The following CREBBP variants were observed in gnomAD, a reference collection of about 807,000 sequenced individuals.
CREBBP encodes the protein CREB binding lysine acetyltransferase.
A neutral mutation model predicts 265.0 loss-of-function variants in CREBBP; 19 were observed. That is an observed-to-expected ratio of 0.07 (90% CI 0.05 to 0.11). The LOEUF is 0.11. Among genes scored for constraint, CREBBP ranks in the 10% least tolerant of loss-of-function variants. CREBBP has a pLI of 1.00. For missense variants in CREBBP, 2,525 were observed against 3,219.0 expected, an observed-to-expected ratio of 0.78 and a Z score of 5.22; for synonymous variants, 1,457 against 1,223.7, an observed-to-expected ratio of 1.19 and a Z score of -3.98.
At position 3,790,617 on chromosome 16, in the gene CREBBP, T is replaced by C. The variant is rs563485409; in HGVS notation, c.1330+1364A>G. Among the ~76,000 whole-genome samples the C allele has an allele frequency of 3.5e-4, 53 of 152,266 alleles. 1 individual carries two copies. The highest frequency in any genetic ancestry group is 1.2e-3 in the African/African-American group (49 of 41,560). On this transcript the variant is annotated intron_variant, in intron 5 of 30. Transcript: ENST00000262367. ...TGCCCGCCTCGGCCTCCCAAAGTGT[T>C]GGGATTACAGGCGTGAGCCATTGCG...
chr16:3,815,142 T>A (rs1488349157), intron 2 of CREBBP, among the ~76,000 whole-genome samples: 1 of 152,232 alleles, frequency 6.6e-6, no homozygotes, highest in Non-Finnish European at 1.5e-5. Flanking sequence ...CACCCTAGGC[T>A]AACATATACT....
Position 3,751,778 on chromosome 16 carries a change from C to G in CREBBP, c.3727G>C (p.Glu1243Gln). Residue 1243 changes from glutamate (E) to glutamine (Q), a missense_variant, in exon 20 of 31, where the codon GAG becomes CAG. Physicochemically the swap from Glu to Gln is conservative, Grantham distance 29 (BLOSUM62 2). Transcript: ENST00000262367. ...RYHFCEKCFT[E>Q]IQGENVTLGD... is the part of the protein sequence containing the mutation. The stretch of plus-strand genomic sequence containing the variant: ...AGGGTCACATTCTCGCCCTGGATCT[C>G]TGTGAAACACTTCTCACAGAAATGA... The G allele has an allele frequency of 6.2e-7, 1 of 1,614,160 alleles. No individual in the cohort carries two copies. The highest frequency in any genetic ancestry group is 8.5e-7 in the Non-Finnish European group (1 of 1,180,040).
At chr16:3,742,996 T>G (rs1351280374) in intron 23 of CREBBP, 2 of 152,196 alleles carry the variant, frequency 1.3e-5, no homozygotes, top group African/African-American at 4.8e-5. Flanking sequence ...TAATTCTGTT[T>G]TGGCTACTGA....
At chr16:3,811,942 G>C (rs1235686034) in intron 2 of CREBBP, among the ~76,000 whole-genome samples, 1 of 152,136 alleles carries the variant, frequency 6.6e-6, no homozygotes, top group African/African-American at 2.4e-5. Context: ...ATTAGTAGTA[G>C]TTAAACTTTT....
intron 1 of CREBBP, among the ~76,000 whole-genome samples, chr16:3,857,827 G>A (rs933974720): frequency 3.9e-5 from 6 of 152,224 alleles, no homozygotes; most frequent in African/African-American, 1.4e-4. Context: ...CTGCCAACCA[G>A]GAGGCTACCC....
chr16:3,849,590 C>G (rs2054783422), intron 2 of CREBBP, among the ~76,000 whole-genome samples: 1 of 132,232 alleles, frequency 7.6e-6, no homozygotes, highest in African/African-American at 2.8e-5. Flanking sequence ...AGGCTGGTCT[C>G]AAACTCCTAG....
chr16:3,771,067 G>A, intron 13 of CREBBP, 81 bp from the exon 14 acceptor site: 9 of 1,537,974 alleles, frequency 5.9e-6, no homozygotes, highest in Middle Eastern at 1.7e-4. Flanking sequence ...TTAAATGTAT[G>A]AAAAAAAAAT....
chr16:3,786,661 A>G (rs1273959653), intron 5 of CREBBP, among the ~76,000 whole-genome samples: 1 of 152,174 alleles, frequency 6.6e-6, no homozygotes, highest in Admixed American at 6.5e-5. Flanking sequence ...GCGGGAGGCG[A>G]AACTTGTGTA....
rs751808658 is a variant in CREBBP, at chr16:3,769,186, C to A, written c.3048G>T (p.Glu1016Asp). 2 of 1,614,122 alleles carry A rather than the reference C, an allele frequency of 1.2e-6. No individual in the cohort carries two copies. The highest frequency in any genetic ancestry group is 3.3e-5 in the Admixed American group (2 of 60,028). ...TEPDPGESKG[E>D]PRSEMMEEDL... ...GAGCGGCACCCACCTCAGACCTGGG[C>A]TCCCCTTTGGATTCACCAGGATCGG... The change falls in exon 15 of 31, where the codon GAG becomes GAT. Residue 1016 changes from glutamate to aspartate, a missense_variant. By Grantham distance (45) the Glu-to-Asp change is conservative. Around this residue, in one of 19 missense-constraint regions of CREBBP, gnomAD observed 548 missense variants for 533.0 expected, o/e 1.03. Transcript: ENST00000262367.
In CREBBP at chr16:3,732,000, C is replaced by T. The variant is rs2151320160; in HGVS notation, c.4729-63G>A. The T allele has an allele frequency of 6.2e-7, 1 of 1,612,852 alleles. No homozygotes were observed. Among genetic ancestry groups the T allele is most frequent in the Non-Finnish European group, 8.5e-7 (1 of 1,180,026 alleles). On this transcript the variant is annotated intron_variant, in intron 28 of 30. Coordinates refer to ENST00000262367, the MANE Select transcript of CREBBP (RefSeq NM_004380.3). This position sits in a 1 kb window ranked among gnomAD's most constrained non-coding sequence, Gnocchi z 7.7. ...CCCCTCCACACTTGGCACGGACGCCCAGCTCCCAGGCCGTGGGCATCAGGA... is the reference window on the plus strand; with the variant it reads ...CCCCTCCACACTTGGCACGGACGCCTAGCTCCCAGGCCGTGGGCATCAGGA...
intron 1 of CREBBP, among the ~76,000 whole-genome samples, chr16:3,866,679 T>A (rs1290243862): frequency 6.6e-6 from 1 of 152,068 alleles, no homozygotes; most frequent in Non-Finnish European, 1.5e-5. Flanking sequence ...ACCCTCAGAA[T>A]ATAAAATGAA....
chr16:3,877,466 G>C (rs1040379054), intron 1 of CREBBP, among the ~76,000 whole-genome samples: 1 of 152,142 alleles, frequency 6.6e-6, no homozygotes, highest in Non-Finnish European at 1.5e-5. Flanking sequence ...GCAGTGGCGC[G>C]ATCTTGGCTC....
intron 12 of CREBBP, among the ~76,000 whole-genome samples, chr16:3,774,322 T>G (rs1201229444): frequency 6.6e-6 from 1 of 152,216 alleles, no homozygotes. Flanking sequence ...TCTCCAGCCT[T>G]GGAACTCCCA....
At chr16:3,823,755 G>C (rs1453884529) in intron 2 of CREBBP, among the ~76,000 whole-genome samples, 1 of 152,122 alleles carries the variant, frequency 6.6e-6, no homozygotes, top group Non-Finnish European at 1.5e-5. Flanking sequence ...GCAAGAGACT[G>C]GAGCATGAGG....
At chr16:3,852,966 CAA>C (rs1332391780) in intron 1 of CREBBP, among the ~76,000 whole-genome samples, 33 of 115,676 alleles carry the variant, frequency 2.9e-4, no homozygotes, top group Admixed American at 2.7e-4. Context: ...CTGTAGCATC[CAA>C]AAAAAAAAAA....
Position 3,745,301 on chromosome 16 carries a change from T to C in CREBBP, c.3890A>G (p.His1297Arg). The change falls in exon 22 of 31, where the codon CAC (histidine) becomes CGC (arginine). Residue 1297 changes from histidine (H) to arginine (R), a missense_variant. His to Arg is a conservative substitution (Grantham distance 29). Around this residue, in one of 19 missense-constraint regions of CREBBP, gnomAD observed 252 missense variants for 452.5 expected, o/e 0.56. Transcript: ENST00000262367. Reference protein sequence around the residue: ...GRKMHQICVLHYDIIWPSGFV... With the variant: ...GRKMHQICVLRYDIIWPSGFV... ...CCCTGAAGGCCAAATGATGTCATAGTGCAGAACGCAAATCTGATGCATCTT... is the reference window on the plus strand; with the variant it reads ...CCCTGAAGGCCAAATGATGTCATAGCGCAGAACGCAAATCTGATGCATCTT... The C allele has an allele frequency of 6.2e-7, 1 of 1,614,048 alleles. No individual in the cohort carries two copies. Among genetic ancestry groups the C allele is most frequent in the Non-Finnish European group, 8.5e-7 (1 of 1,179,948 alleles).
intron 2 of CREBBP, among the ~76,000 whole-genome samples, chr16:3,849,452 TGTG>T: frequency 1.3e-5 from 1 of 76,266 alleles, no homozygotes; most frequent in Admixed American, 1.3e-4. Context: ...TGTGTGTGTG[TGTG>T]TGTGTGTGTG....
At chr16:3,852,714 G>A (rs759503501) in intron 1 of CREBBP, among the ~76,000 whole-genome samples, 13 of 152,102 alleles carry the variant, frequency 8.5e-5, no homozygotes, top group Admixed American at 3.3e-4. Context: ...GACATAAGCA[G>A]GTCTTCACCC....
chr16:3,831,817 C>T (rs758549326), intron 2 of CREBBP, among the ~76,000 whole-genome samples: 31 of 151,752 alleles, frequency 2.0e-4, no homozygotes, highest in African/African-American at 3.1e-4. Context: ...GCCAACATGG[C>T]AAAACCCCTC....
Sources: gnomAD v4.1 joint callset for allele counts (sites outside exome capture counted in the v4.1 genomes callset) on GRCh38, gnomAD v4.1.1 for gene constraint, gnomAD v4.1.1 regional missense constraint, Gnocchi (gnomAD v3.1) non-coding constraint, MANE v1.5 for transcripts, NCBI Gene and HGNC (gene_info 2026-07-23, HGNC 2026-07-21) for gene names.